Variants in NRXN1 observed in about 807,000 individuals in gnomAD.
NRXN1 encodes neurexin 1, also known as neurexin-1.
In NRXN1, 39 loss-of-function variants were observed where a neutral mutation model predicts 150.9. The observed-to-expected ratio is 0.26, with a 90% CI of 0.20 to 0.34. The LOEUF (loss-of-function observed/expected upper bound fraction) is 0.34, where lower values mean the gene tolerates loss of function less well. Ranked by LOEUF, NRXN1 falls within the 10% of genes least tolerant of loss-of-function variation. The probability of loss-of-function intolerance (pLI) is 1.00; values close to 1 mark genes in which losing one functional copy is unlikely to be tolerated. For synonymous variants in NRXN1, 924 were observed against 757.0 expected, an observed-to-expected ratio of 1.22 and a Z score of -3.62; for missense variants, 1,815 against 1,949.9, an observed-to-expected ratio of 0.93 and a Z score of 1.30.
At chr2:50,718,313 C>A (rs1696138551) in intron 5 of NRXN1, among the ~76,000 whole-genome samples, 1 of 152,028 alleles carries the variant, frequency 6.6e-6, no homozygotes, top group Non-Finnish European at 1.5e-5. Context: ...TTTGGCTTAG[C>A]CACATTACCG....
chr2:50,902,128 G>A (rs1683047347), intron 5 of NRXN1, among the ~76,000 whole-genome samples: 1 of 152,062 alleles, frequency 6.6e-6, no homozygotes, highest in African/African-American at 2.4e-5. Flanking sequence ...CATTGAGAAG[G>A]ATGGCTTTAT....
chr2:50,092,305 G>C (rs938621942), intron 18 of NRXN1, among the ~76,000 whole-genome samples: 13 of 152,312 alleles, frequency 8.5e-5, no homozygotes, highest in African/African-American at 3.1e-4. Context: ...AGGTGGCAAA[G>C]AGAAACATGT....
chr2:50,355,763 G>T (rs150982629), intron 17 of NRXN1, among the ~76,000 whole-genome samples: 1 of 152,070 alleles, frequency 6.6e-6, no homozygotes, highest in South Asian at 2.1e-4. Flanking sequence ...AAAGAGTGAG[G>T]ATATGTAACA....
chr2:50,100,889 A>C (rs1000617709), intron 18 of NRXN1, among the ~76,000 whole-genome samples: 1 of 152,102 alleles, frequency 6.6e-6, no homozygotes, highest in Non-Finnish European at 1.5e-5. Context: ...GAAATCAAAT[A>C]GAACAAGAAA....
chr2:50,506,715 G>A lies in NRXN1; in HGVS notation c.2375-98C>T, dbSNP rs565199280. The A allele has an allele frequency of 4.2e-4, 471 of 1,124,360 alleles. 3 individuals are homozygous for A. Among genetic ancestry groups the A allele is most frequent in the Middle Eastern group, 2.1e-3 (10 of 4,742 alleles). 69.6% of individuals were successfully genotyped at this position (1,124,360 alleles called of 1,614,324 possible). ...AGAAAGAGACAAGGGGGGAAGGTGA[G>A]GGAGAGAGAGGAGAGAAAGAAGAAA... is the stretch of plus-strand genomic sequence containing the variant. On this transcript the variant is annotated intron_variant, in intron 12 of 22. Coordinates refer to ENST00000401669, the MANE Select transcript of NRXN1 (RefSeq NM_001330078.2).
At chr2:50,278,246 ATATATATAT>A (rs1182411713) in intron 17 of NRXN1, among the ~76,000 whole-genome samples, 7 of 120,818 alleles carry the variant, frequency 5.8e-5, no homozygotes, top group Non-Finnish European at 1.1e-4. Flanking sequence ...TATATAATAT[ATATATATAT>A]TATATATATT....
At chr2:50,655,754 T>A (rs2104595822) in intron 5 of NRXN1, among the ~76,000 whole-genome samples, 1 of 151,862 alleles carries the variant, frequency 6.6e-6, no homozygotes, top group African/African-American at 2.4e-5. Flanking sequence ...ACCCACCACA[T>A]AAACGTAACT....
chr2:50,193,158 T>C (rs1170962553), intron 18 of NRXN1, among the ~76,000 whole-genome samples: 1 of 152,156 alleles, frequency 6.6e-6, no homozygotes, highest in African/African-American at 2.4e-5. Flanking sequence ...ACTTTAATTA[T>C]TTTCATAAAA....
At chr2:50,276,244 C>G (rs961805619) in intron 17 of NRXN1, among the ~76,000 whole-genome samples, 1 of 151,862 alleles carries the variant, frequency 6.6e-6, no homozygotes, top group African/African-American at 2.4e-5. Flanking sequence ...CAAAACCACA[C>G]AGCTGTTAAA....
Position 50,538,623 on chromosome 2 carries a change from G to C in NRXN1, c.1773C>G (p.Val591=). Residue 591 remains valine (V), a synonymous_variant, in exon 10 of 23, where the codon GTC becomes GTG. Transcript: ENST00000401669. ...QRDGRSGTIS[V]NTLRTPYTAP... is the part of the protein sequence containing the mutation. ...CAGTGTAGGGAGTACGCAACGTGTT[G>C]ACAGAAATGGTACCTATTTCAAAGA... The C allele has an allele frequency of 1.3e-6, 2 of 1,489,000 alleles. No individual in the cohort carries two copies. Among genetic ancestry groups the C allele is most frequent in the Non-Finnish European group, 1.8e-6 (2 of 1,117,366 alleles). 92.2% of individuals were successfully genotyped at this position (1,489,000 alleles called of 1,614,324 possible). A position where few individuals can be genotyped will look rare whatever the true frequency, so the allele number is the denominator to read the frequency against.
At chr2:50,803,561 T>C (rs1232600755) in intron 5 of NRXN1, among the ~76,000 whole-genome samples, 1 of 152,206 alleles carries the variant, frequency 6.6e-6, no homozygotes, top group Non-Finnish European at 1.5e-5. Context: ...TTTTTCTAAG[T>C]TGGTTTAAAT....
At chr2:50,471,384 A>G (rs2089445205) in intron 16 of NRXN1, among the ~76,000 whole-genome samples, 1 of 151,814 alleles carries the variant, frequency 6.6e-6, no homozygotes, top group African/African-American at 2.4e-5. Context: ...GAGTCACTTC[A>G]CTTAGAATAT....
At chr2:50,384,577 T>C (rs1572771306) in intron 17 of NRXN1, among the ~76,000 whole-genome samples, 1 of 151,622 alleles carries the variant, frequency 6.6e-6, no homozygotes, top group East Asian at 1.9e-4. Context: ...CCAGTTTCAG[T>C]TGCTGATTGT....
chr2:50,952,981 G>C (rs1166689400), intron 2 of NRXN1, among the ~76,000 whole-genome samples: 1 of 152,088 alleles, frequency 6.6e-6, no homozygotes, highest in African/African-American at 2.4e-5. Context: ...GTACACAGGA[G>C]GTAATCCATA....
At position 50,346,141 on chromosome 2, in the gene NRXN1, G is replaced by T. The variant is rs1281582762; in HGVS notation, c.3365-109171C>A. 6.6e-6 allele frequency among the ~76,000 whole-genome samples: 1 copy of T among 152,214 alleles called. No individual in the cohort carries two copies. The highest frequency in any genetic ancestry group is 1.5e-5 in the Non-Finnish European group (1 of 68,040). ...GAAGGCGTGGGGGCAAAAGTAATTG[G>T]CCTCCTGTTGAGTGAGTCCCAGGAC... On this transcript the variant is annotated intron_variant, in intron 17 of 22. Transcript: ENST00000401669. This position sits in a 1 kb window ranked among gnomAD's most constrained non-coding sequence, Gnocchi z 5.0.
intron 17 of NRXN1, among the ~76,000 whole-genome samples, chr2:50,410,103 C>G (rs1378385489): frequency 6.6e-6 from 1 of 152,066 alleles, no homozygotes; most frequent in Non-Finnish European, 1.5e-5. Flanking sequence ...ATCCCTCCTG[C>G]TCCCCTACAT....
chr2:50,872,022 G>T (rs1195879535), intron 5 of NRXN1, among the ~76,000 whole-genome samples: 4 of 151,692 alleles, frequency 2.6e-5, no homozygotes, highest in Non-Finnish European at 4.4e-5. Flanking sequence ...TAGAGAAAGT[G>T]TAAGAAAAAA....
intron 8 of NRXN1, among the ~76,000 whole-genome samples, chr2:50,563,763 T>TA (rs1304775177): frequency 6.6e-6 from 1 of 152,154 alleles, no homozygotes; most frequent in Non-Finnish European, 1.5e-5. Context: ...CCTAAAGCAA[T>TA]AAAAAACCAT....
At chr2:50,667,189 TAGTC>T (rs1421689571) in intron 5 of NRXN1, among the ~76,000 whole-genome samples, 42 of 151,102 alleles carry the variant, frequency 2.8e-4, no homozygotes, top group Non-Finnish European at 4.4e-5. Context: ...TTTACAGACT[TAGTC>T]AAGTAAACTG....
Sources: allele counts gnomAD v4.1 joint callset (sites outside exome capture counted in the v4.1 genomes callset), GRCh38; gene constraint gnomAD v4.1.1; non-coding constraint Gnocchi (gnomAD v3.1); transcripts MANE v1.5; gene names NCBI Gene and HGNC (gene_info 2026-07-23, HGNC 2026-07-21).